The following DAB1 variants were observed in gnomAD, a reference collection of about 807,000 sequenced individuals.
The protein encoded by DAB1 is DAB adaptor protein 1, also known as disabled homolog 1.
A neutral mutation model predicts 64.6 loss-of-function variants in DAB1; 15 were observed. That is an observed-to-expected ratio of 0.23 (90% CI 0.16 to 0.36). DAB1 has a LOEUF of 0.36. Among genes scored for constraint, DAB1 ranks in the 10% least tolerant of loss-of-function variants. The pLI, the probability that DAB1 is intolerant of heterozygous loss-of-function variation, is 1.00. For synonymous variants in DAB1, 235 were observed against 251.9 expected, an observed-to-expected ratio of 0.93 and a Z score of 0.64; for missense variants, 596 against 706.7, an observed-to-expected ratio of 0.84 and a Z score of 1.78.
intron 5 of DAB1, among the ~76,000 whole-genome samples, chr1:57,992,509 C>T (rs1321329396): frequency 1.3e-5 from 2 of 152,166 alleles, no homozygotes; most frequent in Non-Finnish European, 2.9e-5. Context: ...TTGCTCCCTG[C>T]ACTTTCTCAG....
At chr1:58,469,400 T>TA (rs1645332394) in intron 3 of DAB1, among the ~76,000 whole-genome samples, 1 of 146,474 alleles carries the variant, frequency 6.8e-6, no homozygotes, top group East Asian at 2.0e-4. Flanking sequence ...AGTAGGTGCT[T>TA]TAAAAAAAAA....
chr1:57,478,392 T>C (rs1162339836), intron 7 of DAB1, among the ~76,000 whole-genome samples: 2 of 152,128 alleles, frequency 1.3e-5, no homozygotes, highest in African/African-American at 4.8e-5. Flanking sequence ...ACTTTGTTAA[T>C]GAAATTATTC....
At chr1:58,104,448 G>C (rs989839277) in intron 5 of DAB1, among the ~76,000 whole-genome samples, 2 of 152,192 alleles carry the variant, frequency 1.3e-5, no homozygotes, top group African/African-American at 4.8e-5. Context: ...GATACTGCTG[G>C]ATCCAGAAAA....
chr1:58,490,011 T>G (rs1041482257), intron 3 of DAB1, among the ~76,000 whole-genome samples: 3 of 152,084 alleles, frequency 2.0e-5, no homozygotes, highest in African/African-American at 7.2e-5. Flanking sequence ...GCAGAAAAAC[T>G]GAAAATTCTA....
At chr1:58,333,843 T>A (rs765201508) in intron 4 of DAB1, among the ~76,000 whole-genome samples, 1 of 152,338 alleles carries the variant, frequency 6.6e-6, no homozygotes. Context: ...AGAAATAATA[T>A]TGTCAATCCA....
intron 4 of DAB1, among the ~76,000 whole-genome samples, chr1:58,265,331 C>G (rs1661135395): frequency 1.3e-5 from 2 of 152,210 alleles, no homozygotes; most frequent in Admixed American, 1.3e-4. Context: ...CCTTATTTCT[C>G]TCTCTCAAGG....
At chr1:58,300,954 A>G (rs1298091829) in intron 4 of DAB1, among the ~76,000 whole-genome samples, 8 of 151,940 alleles carry the variant, frequency 5.3e-5, no homozygotes, top group Non-Finnish European at 1.2e-4. Flanking sequence ...CTTCTCAGAG[A>G]AGGTCCTTTT....
intron 4 of DAB1, among the ~76,000 whole-genome samples, chr1:58,335,242 T>C (rs558255698): frequency 1.3e-5 from 2 of 152,262 alleles, no homozygotes; most frequent in African/African-American, 4.8e-5. Flanking sequence ...AGGAATTTAC[T>C]TGGAATGGCT....
intron 5 of DAB1, among the ~76,000 whole-genome samples, chr1:58,013,529 A>G (rs1646698668): frequency 6.6e-6 from 1 of 152,162 alleles, no homozygotes; most frequent in African/African-American, 2.4e-5. Context: ...CACTTGTGTC[A>G]ATTCCTTCAT....
intron 1 of DAB1, among the ~76,000 whole-genome samples, chr1:57,845,957 C>A (rs1225361455): frequency 2.6e-5 from 4 of 152,094 alleles, no homozygotes; most frequent in Non-Finnish European, 4.4e-5. Context: ...TTGCCCTAGG[C>A]CCATGGGCCT....
chr1:57,045,113 A>C (rs1648293466), intron 9 of DAB1, among the ~76,000 whole-genome samples: 1 of 152,244 alleles, frequency 6.6e-6, no homozygotes. Context: ...GTATGTGCCC[A>C]TAACAATTAT....
intron 3 of DAB1, among the ~76,000 whole-genome samples, chr1:58,433,964 T>C (rs1644913312): frequency 1.3e-5 from 2 of 151,916 alleles, no homozygotes; most frequent in South Asian, 4.2e-4. Context: ...AGCTCCCAGG[T>C]GGGAGCTTCT....
intron 2 of DAB1, among the ~76,000 whole-genome samples, chr1:58,519,832 A>G: frequency 6.6e-6 from 1 of 152,262 alleles, no homozygotes; most frequent in African/African-American, 2.4e-5. Context: ...AGTGAAATTT[A>G]TAAAAGAGCA....
At chr1:57,377,278 A>G (rs1236579101) in intron 1 of DAB1, among the ~76,000 whole-genome samples, 1 of 137,934 alleles carries the variant, frequency 7.2e-6, no homozygotes, top group Non-Finnish European at 1.6e-5. Context: ...TTAAAAAAAA[A>G]AAAAAAAGAA....
intron 5 of DAB1, 49 bp downstream of exon 5, chr1:57,072,233 TC>T: frequency 3.7e-6 from 6 of 1,604,790 alleles, no homozygotes; most frequent in East Asian, 2.2e-5. Flanking sequence ...CACTGGACTG[TC>T]CCCCCAGAGT....
chr1:58,477,540 A>G (rs564704662), intron 3 of DAB1, among the ~76,000 whole-genome samples: 3 of 152,188 alleles, frequency 2.0e-5, no homozygotes, highest in South Asian at 2.1e-4. Flanking sequence ...GTCCAAGCCA[A>G]TCAAGATAAT....
intron 7 of DAB1, among the ~76,000 whole-genome samples, chr1:57,619,943 T>C (rs1645836009): frequency 6.6e-6 from 1 of 152,036 alleles, no homozygotes; most frequent in South Asian, 2.1e-4. Context: ...ACAGCAAGGC[T>C]GCTAGAGACT....
intron 5 of DAB1, among the ~76,000 whole-genome samples, chr1:58,049,937 G>C (rs1647528270): frequency 6.6e-6 from 1 of 152,120 alleles, no homozygotes; most frequent in African/African-American, 2.4e-5. Flanking sequence ...TTTGAAAAGG[G>C]GGCATGCAGG....
At chr1:57,032,377 A>G (rs965755204) in intron 9 of DAB1, among the ~76,000 whole-genome samples, 1 of 152,168 alleles carries the variant, frequency 6.6e-6, no homozygotes. Flanking sequence ...ACCCAGAGAC[A>G]CAATCAATGG....
Sources: allele counts gnomAD v4.1 joint callset (sites outside exome capture counted in the v4.1 genomes callset), GRCh38; gene constraint gnomAD v4.1.1; transcripts MANE v1.5; gene names NCBI Gene and HGNC (gene_info 2026-07-23, HGNC 2026-07-21).